The following RRM2B variants were observed in gnomAD, a reference collection of about 807,000 sequenced individuals.
RRM2B encodes the protein ribonucleoside-diphosphate reductase subunit M2 B.
RRM2B carries 20 observed loss-of-function variants against 45.9 expected under a neutral mutation model. The ratio of observed to expected loss-of-function variants is 0.44; its 90% CI spans 0.31 to 0.63. The LOEUF (loss-of-function observed/expected upper bound fraction) is 0.63, where lower values mean the gene tolerates loss of function less well. Among genes scored for constraint, RRM2B ranks in the 30% least tolerant of loss-of-function variants. The pLI, the probability that RRM2B is intolerant of heterozygous loss-of-function variation, is 0.09. For missense variants in RRM2B, 320 were observed against 414.7 expected (o/e 0.77, Z 1.98); for synonymous variants, 124 against 132.3 (o/e 0.94, Z 0.43).
At chr8:102,231,733 G>C (rs1477852195) in intron 2 of RRM2B, among the ~76,000 whole-genome samples, 1 of 151,996 alleles carries the variant, frequency 6.6e-6, no homozygotes, top group Non-Finnish European at 1.5e-5. Flanking sequence ...GCTGGGCGTG[G>C]TGGCTGGCGC....
intron 8 of RRM2B, among the ~76,000 whole-genome samples, chr8:102,209,604 C>A (rs947776888): frequency 1.3e-5 from 2 of 152,152 alleles, no homozygotes; most frequent in Non-Finnish European, 2.9e-5. Context: ...ATGGAGTTAC[C>A]ATATGATCCA....
intron 8 of RRM2B, among the ~76,000 whole-genome samples, chr8:102,209,777 G>T (rs1364886283): frequency 6.6e-6 from 1 of 151,386 alleles, no homozygotes; most frequent in Non-Finnish European, 1.5e-5. Context: ...CCATACAGTG[G>T]AATATTATTT....
At chr8:102,234,088 T>G (rs1349832606) in intron 1 of RRM2B, among the ~76,000 whole-genome samples, 1 of 152,150 alleles carries the variant, frequency 6.6e-6, no homozygotes, top group African/African-American at 2.4e-5. Context: ...TGGGATATAC[T>G]CAAAGTATGA....
chr8:102,233,947 A>C (rs1587187760), intron 1 of RRM2B, among the ~76,000 whole-genome samples: 2 of 152,280 alleles, frequency 1.3e-5, no homozygotes, highest in South Asian at 4.1e-4. Flanking sequence ...CAGCCTCCCA[A>C]GTAGCTAGGA....
intron 8 of RRM2B, among the ~76,000 whole-genome samples, chr8:102,208,702 T>C (rs1051648381): frequency 1.3e-5 from 2 of 152,240 alleles, no homozygotes; most frequent in African/African-American, 4.8e-5. Context: ...GTTCTAAGTA[T>C]GTTTCTTAGT....
chr8:102,235,567 G>A (rs763616113), intron 1 of RRM2B, among the ~76,000 whole-genome samples: 7 of 152,232 alleles, frequency 4.6e-5, no homozygotes, highest in Non-Finnish European at 5.9e-5. Context: ...CAGGCCCGGC[G>A]TGGTGCCTCA....
At chr8:102,234,454 CA>C (rs1388547441) in intron 1 of RRM2B, among the ~76,000 whole-genome samples, 2 of 152,020 alleles carry the variant, frequency 1.3e-5, no homozygotes, top group Non-Finnish European at 2.9e-5. Context: ...CATTTGAATA[CA>C]ATTTCAGAAA....
At chr8:102,227,157 GT>G (rs547243243) in intron 2 of RRM2B, among the ~76,000 whole-genome samples, 5,344 of 149,240 alleles carry the variant, frequency 0.036, 164 homozygotes, top group Admixed American at 0.087. Flanking sequence ...CAACAACCCA[GT>G]TTTTTTTTTA....
At chr8:102,220,725 T>C (rs778126001) in intron 5 of RRM2B, among the ~76,000 whole-genome samples, 3 of 152,226 alleles carry the variant, frequency 2.0e-5, no homozygotes, top group Non-Finnish European at 4.4e-5. Flanking sequence ...CACAAGCCAC[T>C]GTGCCTAGTG....
chr8:102,214,890 TAACTC>T (rs1474454847), intron 6 of RRM2B, among the ~76,000 whole-genome samples: 1 of 150,870 alleles, frequency 6.6e-6, no homozygotes, highest in Non-Finnish European at 1.5e-5. Context: ...ATCTTACAGA[TAACTC>T]AACCAAAAAT....
chr8:102,238,940 G>T lies in RRM2B; in HGVS notation c.-66C>A, dbSNP rs1004719104. On this transcript the variant is annotated 5_prime_UTR_variant, in exon 1 of 9. Coordinates refer to ENST00000251810, the MANE Select transcript of RRM2B (RefSeq NM_015713.5). The stretch of plus-strand genomic sequence containing the variant: ...AGCTCCTCAGGCCACCTCCAACTAC[G>T]ACAGCACCCAGGTGGTCCGCTGGTC... 3.2e-6 allele frequency: 5 copies of T among 1,540,592 alleles called. No homozygotes were observed. The highest frequency in any genetic ancestry group is 4.4e-6 in the Non-Finnish European group (5 of 1,127,078).
chr8:102,208,393 T>A, intron 8 of RRM2B, 108 bp from the exon 9 acceptor site: 1 of 822,648 alleles, frequency 1.2e-6, no homozygotes. Flanking sequence ...ACCTATCTAG[T>A]CAGCTACAAG....
At chr8:102,222,075 T>C (rs1406905733) in intron 5 of RRM2B, among the ~76,000 whole-genome samples, 1 of 150,660 alleles carries the variant, frequency 6.6e-6, no homozygotes, top group Non-Finnish European at 1.5e-5. Context: ...CTCATTCCTA[T>C]TTAAATTTTT....
At chr8:102,223,112 T>G (rs1050406894) in intron 5 of RRM2B, among the ~76,000 whole-genome samples, 2 of 152,020 alleles carry the variant, frequency 1.3e-5, no homozygotes, top group African/African-American at 4.8e-5. Flanking sequence ...TAGATAAGAA[T>G]GAGATGGGTA....
intron 5 of RRM2B, among the ~76,000 whole-genome samples, chr8:102,222,820 TC>T (rs1204020974): frequency 6.6e-6 from 1 of 151,778 alleles, no homozygotes; most frequent in East Asian, 1.9e-4. Flanking sequence ...AGCATGCTAT[TC>T]TTTTTTTTGG....
chr8:102,230,845 T>A (rs186073771), intron 2 of RRM2B, among the ~76,000 whole-genome samples: 15 of 152,304 alleles, frequency 9.8e-5, no homozygotes, highest in African/African-American at 2.6e-4. Context: ...TAAATCCTCA[T>A]AACAACACAA....
chr8:102,220,770 G>A (rs957298349), intron 5 of RRM2B, among the ~76,000 whole-genome samples: 2 of 152,196 alleles, frequency 1.3e-5, no homozygotes, highest in African/African-American at 2.4e-5. Flanking sequence ...ATACATTAAT[G>A]TGAATACTAA....
chr8:102,238,745 T>C, intron 1 of RRM2B, 82 bp downstream of exon 1: 4 of 1,608,912 alleles, frequency 2.5e-6, no homozygotes, highest in South Asian at 1.1e-5. Flanking sequence ...GCGAATAACA[T>C]TTCCTACAGC....
intron 5 of RRM2B, among the ~76,000 whole-genome samples, chr8:102,223,119 G>A (rs1810863610): frequency 6.6e-6 from 1 of 151,554 alleles, no homozygotes. Flanking sequence ...GAATGAGATG[G>A]GTACTTAGAG....
Sources: allele counts gnomAD v4.1 joint callset (sites outside exome capture counted in the v4.1 genomes callset), GRCh38; gene constraint gnomAD v4.1.1; transcripts MANE v1.5; gene names NCBI Gene and HGNC (gene_info 2026-07-23, HGNC 2026-07-21).